Variants in HHIP observed in about 807,000 individuals in gnomAD.
HHIP encodes hedgehog interacting protein, also known as hedgehog-interacting protein.
A neutral mutation model predicts 74.0 loss-of-function variants in HHIP; 12 were observed. That is an observed-to-expected ratio of 0.16 (90% CI 0.10 to 0.26). The LOEUF (loss-of-function observed/expected upper bound fraction) is 0.26, where lower values mean the gene tolerates loss of function less well. Among genes scored for constraint, HHIP ranks in the 10% least tolerant of loss-of-function variants. The pLI, the probability that HHIP is intolerant of heterozygous loss-of-function variation, is 1.00. For missense variants in HHIP, 788 were observed against 845.0 expected, an observed-to-expected ratio of 0.93 and a Z score of 0.84; for synonymous variants, 309 against 311.6, an observed-to-expected ratio of 0.99 and a Z score of 0.09.
At chr4:144,722,611 G>A (rs929303888) in intron 11 of HHIP, among the ~76,000 whole-genome samples, 14 of 152,262 alleles carry the variant, frequency 9.2e-5, no homozygotes, top group Middle Eastern at 3.4e-3. Context: ...CCAGCACTTT[G>A]GGAGGCCGAG....
At position 144,671,318 on chromosome 4, in the gene HHIP, G is replaced by GT. The variant is rs59957249; in HGVS notation, c.831+11494dup. 1.8e-3 allele frequency among the ~76,000 whole-genome samples: 253 copies of GT among 142,688 alleles called. 3 individuals carry two copies. The highest frequency in any genetic ancestry group is 6.0e-3 in the East Asian group (29 of 4,822). The allele number at this position is 142,688 out of a possible 152,430, so 93.6% of individuals were successfully genotyped here. On this transcript the variant is annotated intron_variant, in intron 4 of 12. Coordinates refer to ENST00000296575, the MANE Select transcript of HHIP (RefSeq NM_022475.3). ...CAATGTCTCCTCGTCCAAGGAGGGT[G>GT]TTTTTTTTTTTTTTCTTAAGATTTT...
intron 12 of HHIP, among the ~76,000 whole-genome samples, chr4:144,737,491 G>A (rs893032402): frequency 2.0e-5 from 3 of 152,188 alleles, no homozygotes; most frequent in Non-Finnish European, 4.4e-5. Flanking sequence ...ATTTTAAATA[G>A]AGTTAATTTT....
At chr4:144,723,026 T>C (rs1730682176) in intron 11 of HHIP, among the ~76,000 whole-genome samples, 1 of 152,212 alleles carries the variant, frequency 6.6e-6, no homozygotes, top group Non-Finnish European at 1.5e-5. Context: ...TTTTATAGTA[T>C]TGACAAATAT....
At chr4:144,706,846 A>G (rs1248440492) in intron 5 of HHIP, among the ~76,000 whole-genome samples, 164 bp downstream of exon 5, 1 of 152,196 alleles carries the variant, frequency 6.6e-6, no homozygotes, top group Non-Finnish European at 1.5e-5. Context: ...CTTTAAGAGA[A>G]ATGGAGAACA....
At chr4:144,710,816 C>T (rs1013530950) in intron 7 of HHIP, among the ~76,000 whole-genome samples, 2 of 152,182 alleles carry the variant, frequency 1.3e-5, no homozygotes, top group African/African-American at 4.8e-5. Flanking sequence ...CAAAAAATTA[C>T]CTGGCCCAAA....
intron 11 of HHIP, among the ~76,000 whole-genome samples, chr4:144,726,706 G>A (rs923776580): frequency 1.3e-5 from 2 of 152,096 alleles, no homozygotes; most frequent in African/African-American, 4.8e-5. Context: ...AAGAGGTAAC[G>A]AGAATTATAA....
chr4:144,689,767 A>G lies in HHIP; in HGVS notation c.832-16764A>G, dbSNP rs142324179. ...TTGTTAACATTCTGTTTTTAACTGA[A>G]GCCTTACTCTAATATCTTTTCTAGG... On this transcript the variant is annotated intron_variant, in intron 4 of 12. Coordinates refer to ENST00000296575, the MANE Select transcript of HHIP (RefSeq NM_022475.3). Among the ~76,000 whole-genome samples, 105 of 152,234 alleles carry G rather than the reference A, an allele frequency of 6.9e-4. 1 individual carries two copies. In the East Asian group the frequency reaches 0.019, roughly 27 times the overall value.
At position 144,706,599 on chromosome 4, in the gene HHIP, T is replaced by C. The variant is rs758397643; in HGVS notation, c.900T>C (p.Tyr300=). ...HPNYKKNGKL[Y]VSYTTNQERW... ...ATTACAAGAAAAATGGAAAGTTGTATGTGTCCTATACCACCAACCAAGAAC... is the reference window on the plus strand; with the variant it reads ...ATTACAAGAAAAATGGAAAGTTGTACGTGTCCTATACCACCAACCAAGAAC... The change falls in exon 5 of 13, where the codon TAT becomes TAC. Residue 300 remains tyrosine (Y), a synonymous_variant. Transcript: ENST00000296575. 2.5e-6 allele frequency: 4 copies of C among 1,613,650 alleles called. No individual in the cohort carries two copies. The Admixed American group carries it at 6.7e-5, about 27-fold the overall frequency.
chr4:144,698,160 G>A (rs1351968956), intron 4 of HHIP, among the ~76,000 whole-genome samples: 4 of 152,110 alleles, frequency 2.6e-5, no homozygotes, highest in Non-Finnish European at 5.9e-5. Flanking sequence ...CTGAATTGCT[G>A]GTTATCTTCT....
At chr4:144,715,227 T>C (rs1730412743) in intron 9 of HHIP, 73 bp from the exon 10 acceptor site, 2 of 1,422,966 alleles carry the variant, frequency 1.4e-6, no homozygotes, top group African/African-American at 1.4e-5. Context: ...TGAATTTTAT[T>C]TTAAACATCT....
intron 4 of HHIP, among the ~76,000 whole-genome samples, chr4:144,699,215 T>A (rs1729909220): frequency 6.6e-6 from 1 of 152,158 alleles, no homozygotes; most frequent in Non-Finnish European, 1.5e-5. Flanking sequence ...ATTTGGGGGT[T>A]CTCATAATTC....
At chr4:144,649,476 A>C (rs1455247288) in intron 1 of HHIP, among the ~76,000 whole-genome samples, 1 of 152,096 alleles carries the variant, frequency 6.6e-6, no homozygotes, top group Non-Finnish European at 1.5e-5. Context: ...TGTATATTTT[A>C]ATAATGTTGT....
intron 11 of HHIP, among the ~76,000 whole-genome samples, chr4:144,719,493 A>G (rs1162332052): frequency 6.6e-6 from 1 of 152,156 alleles, no homozygotes; most frequent in African/African-American, 2.4e-5. Flanking sequence ...TATTTGCTTC[A>G]GCAAAAGAAA....
At chr4:144,662,252 T>A (rs750571607) in intron 4 of HHIP, among the ~76,000 whole-genome samples, 2 of 152,204 alleles carry the variant, frequency 1.3e-5, no homozygotes, top group Non-Finnish European at 2.9e-5. Flanking sequence ...TTTAAACCTC[T>A]ACCAACTCTG....
intron 11 of HHIP, among the ~76,000 whole-genome samples, chr4:144,734,540 T>A (rs1292324497): frequency 6.6e-6 from 1 of 152,116 alleles, no homozygotes; most frequent in African/African-American, 2.4e-5. Context: ...TTTAGTTGGG[T>A]TACAAACTGG....
In HHIP at chr4:144,744,127, T is replaced by C. The variant is rs1424815715; in HGVS notation, c.*6170T>C. ...AAGAACCATGTAGTAATAAGATAAA[T>C]GGTAACTGAGGTACTATGGAATTTT... On this transcript the variant is annotated 3_prime_UTR_variant, in exon 13 of 13. Transcript: ENST00000296575. 6.6e-6 allele frequency: 1 copy of C among 152,160 alleles called. No individual in the cohort carries two copies. Among genetic ancestry groups the C allele is most frequent in the Non-Finnish European group, 1.5e-5 (1 of 68,004 alleles). The allele number at this position is 152,160 out of a possible 1,614,324, so 9.4% of individuals were successfully genotyped here.
intron 9 of HHIP, 109 bp downstream of exon 9, chr4:144,714,457 A>T: frequency 9.3e-7 from 1 of 1,072,382 alleles, no homozygotes; most frequent in Non-Finnish European, 1.4e-6. Context: ...TGTGCATCAG[A>T]TGGGGAATAC....
At position 144,741,213 on chromosome 4, in the gene HHIP, G is replaced by A. The variant is rs2126700739; in HGVS notation, c.*3256G>A. 6.6e-6 allele frequency: 1 copy of A among 151,902 alleles called. No individual in the cohort carries two copies. Among genetic ancestry groups the A allele is most frequent in the Non-Finnish European group, 1.5e-5 (1 of 67,966 alleles). The allele number at this position is 151,902 out of a possible 1,614,324, so 9.4% of individuals were successfully genotyped here. A position where few individuals can be genotyped will look rare whatever the true frequency, so the allele number is the denominator to read the frequency against. ...ATTAATGAGTATCTCATAAAGAGTA[G>A]AGAAACCAACACATACAATATATAC... On this transcript the variant is annotated 3_prime_UTR_variant, in exon 13 of 13. Coordinates refer to ENST00000296575, the MANE Select transcript of HHIP (RefSeq NM_022475.3).
chr4:144,734,617 TAAAA>T (rs35694650), intron 11 of HHIP, 120 bp from the exon 12 acceptor site: 2 of 571,324 alleles, frequency 3.5e-6, no homozygotes, highest in Non-Finnish European at 5.4e-6. Flanking sequence ...CTGAGTCACT[TAAAA>T]AAAAAAAAAG....
Sources: gnomAD v4.1 joint callset for allele counts (sites outside exome capture counted in the v4.1 genomes callset) on GRCh38, gnomAD v4.1.1 for gene constraint, MANE v1.5 for transcripts, NCBI Gene and HGNC (gene_info 2026-07-23, HGNC 2026-07-21) for gene names.